The following EPHX1 variants were observed in gnomAD, a reference collection of about 807,000 sequenced individuals.
EPHX1 encodes epoxide hydratase.
EPHX1 carries 40 observed loss-of-function variants against 43.2 expected under a neutral mutation model. That is an observed-to-expected ratio of 0.93 (90% CI 0.72 to 1.21). The LOEUF is 1.21. EPHX1 is among the 50% of genes most tolerant of loss of function. The probability of loss-of-function intolerance (pLI) is 0.00; values close to 1 mark genes in which losing one functional copy is unlikely to be tolerated. For missense variants in EPHX1, 550 were observed against 570.4 expected, an observed-to-expected ratio of 0.96 and a Z score of 0.36; for synonymous variants, 221 against 226.7, an observed-to-expected ratio of 0.98 and a Z score of 0.22.
At chr1:225,813,050 C>T (rs1330670014) in intron 1 of EPHX1, among the ~76,000 whole-genome samples, 1 of 152,200 alleles carries the variant, frequency 6.6e-6, no homozygotes, top group Admixed American at 6.5e-5. Context: ...TGAGGTTAGG[C>T]TCAGCGATCT....
Position 225,845,139 on chromosome 1 carries a change from C to T in EPHX1, c.1167-7C>T. ...CCTCACCCCTCCGTCGGCTCTTTCACTTCCAGGATGAAGGTCTATGTGCCC... is the reference window on the plus strand; with the variant it reads ...CCTCACCCCTCCGTCGGCTCTTTCATTTCCAGGATGAAGGTCTATGTGCCC... On this transcript the variant is annotated splice_polypyrimidine_tract_variant and splice_region_variant and intron_variant, in intron 8 of 8. Transcript: ENST00000272167. 6.2e-7 allele frequency: 1 copy of T among 1,613,964 alleles called. No individual in the cohort carries two copies. Among genetic ancestry groups the T allele is most frequent in the Non-Finnish European group, 8.5e-7 (1 of 1,179,990 alleles).
chr1:225,840,092 A>C (rs1324751214), intron 6 of EPHX1, 55 bp downstream of exon 6: 6 of 1,580,366 alleles, frequency 3.8e-6, no homozygotes, highest in Middle Eastern at 2.1e-4. Flanking sequence ...GCAGGGAGAC[A>C]CCCGCGGGGT....
rs899257020 is a variant in EPHX1, at chr1:225,839,242, G to C, written c.618G>C (p.Arg206Ser). 6 of 1,614,020 alleles carry C rather than the reference G, an allele frequency of 3.7e-6. No homozygotes were observed. In the East Asian group the frequency reaches 6.7e-5, roughly 18 times the overall value. Residue 206 changes from arginine (R) to serine (S), a missense_variant, in exon 5 of 9, where the codon AGG becomes AGC. Arg to Ser is a moderately radical substitution (Grantham distance 110). Coordinates refer to ENST00000272167, the MANE Select transcript of EPHX1 (RefSeq NM_001136018.4). ...GGTTCAACTCGGTGGCCACCGCCAG[G>C]ATCTTTTACAAGCTGATGCTGCGGC... ...KKGFNSVATA[R>S]IFYKLMLRLG...
At chr1:225,831,696 G>T in intron 2 of EPHX1, 83 bp from the exon 3 acceptor site, 1 of 1,409,440 alleles carries the variant, frequency 7.1e-7, no homozygotes. Flanking sequence ...TGCAGGGTTT[G>T]CTGTGTTTTC....
At chr1:225,841,322 G>A in intron 6 of EPHX1, 1 of 152,268 alleles carries the variant, frequency 6.6e-6, no homozygotes, top group South Asian at 2.1e-4. Flanking sequence ...TGGCTCTGTT[G>A]CCCAGGGTAG....
intron 1 of EPHX1, among the ~76,000 whole-genome samples, chr1:225,825,075 T>C (rs3753660): frequency 0.1 from 15,968 of 152,268 alleles, 1,085 homozygotes; most frequent in East Asian, 0.19. Flanking sequence ...TTTGAATCTG[T>C]CACTTTGCCC....
chr1:225,830,780 A>G (rs929010401), intron 2 of EPHX1, among the ~76,000 whole-genome samples: 2 of 152,142 alleles, frequency 1.3e-5, no homozygotes, highest in Non-Finnish European at 2.9e-5. Flanking sequence ...TGTAATTTTT[A>G]TCCCAACTCA....
chr1:225,842,313 A>G, intron 6 of EPHX1, 53 bp from the exon 7 acceptor site: 2 of 1,339,660 alleles, frequency 1.5e-6, no homozygotes, highest in South Asian at 2.3e-5. Flanking sequence ...CTGAAGCTCC[A>G]GCTCTCTGGT....
chr1:225,811,955 A>C (rs1666505064), intron 1 of EPHX1, among the ~76,000 whole-genome samples: 1 of 152,212 alleles, frequency 6.6e-6, no homozygotes, highest in African/African-American at 2.4e-5. Context: ...ATGATGTGTA[A>C]TATGGAGATA....
chr1:225,842,362 C>G lies in EPHX1; in HGVS notation c.932-4C>G, dbSNP rs1330889670. 1 of 1,606,900 alleles carries G rather than the reference C, an allele frequency of 6.2e-7. No individual in the cohort carries two copies. Among genetic ancestry groups the G allele is most frequent in the Non-Finnish European group, 8.5e-7 (1 of 1,173,426 alleles). Reference sequence around the variant, plus strand: ...TCTCTCCCTTGCTCCCCGCTCCCCGCCAGGCTCTGCTCTGAATGACTCTCC... The same window carrying G: ...TCTCTCCCTTGCTCCCCGCTCCCCGGCAGGCTCTGCTCTGAATGACTCTCC... On this transcript the variant is annotated splice_polypyrimidine_tract_variant and splice_region_variant and intron_variant, in intron 6 of 8. Coordinates refer to ENST00000272167, the MANE Select transcript of EPHX1 (RefSeq NM_001136018.4).
Position 225,838,513 on chromosome 1 carries a change from C to T in EPHX1, c.365-141C>T, listed in dbSNP as rs116098117. ...TGTGAGTGTGAAACCAGTGTCAGCC[C>T]TTATTACTGTCAATACCATGAAGGG... On this transcript the variant is annotated intron_variant, in intron 3 of 8. Coordinates refer to ENST00000272167, the MANE Select transcript of EPHX1 (RefSeq NM_001136018.4). 9.1e-4 allele frequency: 643 copies of T among 707,202 alleles called. 1 individual carries two copies. In the African/African-American group the frequency reaches 0.01, roughly 11 times the overall value. 43.8% of individuals were successfully genotyped at this position (707,202 alleles called of 1,614,324 possible).
At chr1:225,831,983 G>C in intron 3 of EPHX1, 24 bp downstream of exon 3, 1 of 1,611,676 alleles carries the variant, frequency 6.2e-7, no homozygotes, top group Non-Finnish European at 8.5e-7. Flanking sequence ...ACGCCAGCCA[G>C]AGAGGGATGT....
In EPHX1 at chr1:225,836,745, G is replaced by A. The variant is rs537174539; in HGVS notation, c.365-1909G>A. On this transcript the variant is annotated intron_variant, in intron 3 of 8. Coordinates refer to ENST00000272167, the MANE Select transcript of EPHX1 (RefSeq NM_001136018.4). ...AAGGAATCTGAAATAGTCAAACTCA[G>A]CAGAAGCAGAGAGGAGAAGGGTGGT... 1.1e-4 allele frequency among the ~76,000 whole-genome samples: 16 copies of A among 152,354 alleles called. No individual in the cohort carries two copies. In the South Asian group the frequency reaches 3.3e-3, roughly 32 times the overall value.
intron 1 of EPHX1, among the ~76,000 whole-genome samples, chr1:225,820,636 T>C (rs1286639997): frequency 2.0e-5 from 3 of 152,268 alleles, no homozygotes; most frequent in Middle Eastern, 6.8e-3. Context: ...CTCACTTCCA[T>C]CCCATTCCAT....
intron 1 of EPHX1, among the ~76,000 whole-genome samples, chr1:225,827,338 A>G (rs1667297120): frequency 6.6e-6 from 1 of 152,178 alleles, no homozygotes; most frequent in South Asian, 2.1e-4. Flanking sequence ...ACTGCAGTGC[A>G]TCTAGAGACC....
chr1:225,820,266 T>C (rs376437443), intron 1 of EPHX1, among the ~76,000 whole-genome samples: 5 of 152,140 alleles, frequency 3.3e-5, no homozygotes, highest in African/African-American at 1.2e-4. Flanking sequence ...TTTTTGTATT[T>C]TTAGTAGAGA....
In EPHX1 at chr1:225,828,872, T is replaced by C. The variant is rs1001038471; in HGVS notation, c.143T>C (p.Ile48Thr). Reference protein sequence around the residue: ...TRSAAREDDSIRPFKVETSDE... With the variant: ...TRSAAREDDSTRPFKVETSDE... ...TCCGCAGCCAGGGAGGACGACAGCA[T>C]CCGCCCTTTCAAGGTGGAAACGTCA... Residue 48 changes from isoleucine (I) to threonine (T), a missense_variant, in exon 2 of 9, where the codon ATC (isoleucine) becomes ACC (threonine). Transcript: ENST00000272167. The C allele has an allele frequency of 3.7e-6, 6 of 1,601,198 alleles. No individual in the cohort carries two copies. The Admixed American group carries it at 5.1e-5, about 14-fold the overall frequency.
At chr1:225,819,334 G>T (rs966434925) in intron 1 of EPHX1, among the ~76,000 whole-genome samples, 1 of 152,000 alleles carries the variant, frequency 6.6e-6, no homozygotes, top group Non-Finnish European at 1.5e-5. Flanking sequence ...GAACCAGGGC[G>T]GAGGTTGCAG....
At chr1:225,828,554 T>C in intron 1 of EPHX1, among the ~76,000 whole-genome samples, 171 bp from the exon 2 acceptor site, 1 of 148,596 alleles carries the variant, frequency 6.7e-6, no homozygotes, top group Non-Finnish European at 1.5e-5. Context: ...ATAATATGTA[T>C]ATAGTGTGTG....
Sources: gnomAD v4.1 joint callset for allele counts (sites outside exome capture counted in the v4.1 genomes callset) on GRCh38, gnomAD v4.1.1 for gene constraint, MANE v1.5 for transcripts, NCBI Gene and HGNC (gene_info 2026-07-23, HGNC 2026-07-21) for gene names.